Variants in TSPAN18 observed in about 807,000 individuals in gnomAD.
TSPAN18 encodes tetraspanin-18.
TSPAN18 carries 14 observed loss-of-function variants against 27.3 expected under a neutral mutation model. The ratio of observed to expected loss-of-function variants is 0.51; its 90% CI spans 0.34 to 0.80. The LOEUF (loss-of-function observed/expected upper bound fraction) is 0.80, where lower values mean the gene tolerates loss of function less well. Among genes scored for constraint, TSPAN18 ranks in the 30% least tolerant of loss-of-function variants. TSPAN18 has a pLI of 0.01. For missense variants in TSPAN18, 268 were observed against 323.9 expected, an observed-to-expected ratio of 0.83 and a Z score of 1.32; for synonymous variants, 143 against 136.5, an observed-to-expected ratio of 1.05 and a Z score of -0.33.
intron 2 of TSPAN18, among the ~76,000 whole-genome samples, chr11:44,810,698 T>C (rs1273797795): frequency 1.3e-5 from 2 of 151,488 alleles, no homozygotes; most frequent in Non-Finnish European, 2.9e-5. Context: ...AACCTCCTCC[T>C]GGGCTGGAGC....
intron 1 of TSPAN18, among the ~76,000 whole-genome samples, chr11:44,746,807 G>C (rs1005975994): frequency 6.6e-6 from 1 of 152,168 alleles, no homozygotes. Context: ...GAAAATACAC[G>C]GTGTGCCTGG....
intron 2 of TSPAN18, among the ~76,000 whole-genome samples, chr11:44,813,701 G>T (rs1565161502): frequency 6.6e-6 from 1 of 152,178 alleles, no homozygotes; most frequent in Non-Finnish European, 1.5e-5. Context: ...GGTCCCAGCT[G>T]CATGCATGAC....
At chr11:44,906,514 G>C (rs368453951) in intron 4 of TSPAN18, 35 bp downstream of exon 4, 4 of 1,584,978 alleles carry the variant, frequency 2.5e-6, no homozygotes, top group Admixed American at 3.3e-5. Flanking sequence ...GCCTCTGCTG[G>C]GTGGGCAGAA....
intron 1 of TSPAN18, among the ~76,000 whole-genome samples, chr11:44,753,854 A>T (rs1291900928): frequency 1.3e-5 from 2 of 152,208 alleles, no homozygotes; most frequent in Admixed American, 6.5e-5. Flanking sequence ...GTGACAGCCT[A>T]TCCACTACTC....
chr11:44,877,180 A>C (rs1391969348), intron 3 of TSPAN18, among the ~76,000 whole-genome samples: 1 of 152,276 alleles, frequency 6.6e-6, no homozygotes, highest in African/African-American at 2.4e-5. Flanking sequence ...AGGGGTCCCC[A>C]TAATGGCTTC....
At position 44,775,525 on chromosome 11, in the gene TSPAN18, G is replaced by A. The variant is rs1205865960; in HGVS notation, c.-153+11013G>A. ...CCGAATCCCTATAGGTCCTCTCCAG[G>A]CACGTTTCATTGCCAGCCTCCTTCT... is the stretch of plus-strand genomic sequence containing the variant. On this transcript the variant is annotated intron_variant, in intron 2 of 9. Coordinates refer to ENST00000520358, the MANE Select transcript of TSPAN18 (RefSeq NM_130783.5). 3.3e-5 allele frequency among the ~76,000 whole-genome samples: 5 copies of A among 152,138 alleles called. No individual in the cohort carries two copies. In the East Asian group the frequency reaches 9.7e-4, roughly 29 times the overall value.
intron 2 of TSPAN18, among the ~76,000 whole-genome samples, chr11:44,770,618 T>G (rs1475121524): frequency 3.3e-5 from 5 of 152,178 alleles, no homozygotes; most frequent in Non-Finnish European, 7.3e-5. Context: ...AGGAAGCCAG[T>G]AAGCAAGAAA....
chr11:44,871,344 T>G (rs892893823), intron 3 of TSPAN18, among the ~76,000 whole-genome samples: 12 of 152,160 alleles, frequency 7.9e-5, no homozygotes, highest in Admixed American at 4.6e-4. Context: ...CTCTCCTGTC[T>G]TTTCTTATAA....
intron 2 of TSPAN18, among the ~76,000 whole-genome samples, chr11:44,821,665 T>C (rs1422600907): frequency 4.6e-5 from 7 of 152,250 alleles, no homozygotes; most frequent in African/African-American, 1.4e-4. Flanking sequence ...TACTTGACCC[T>C]ACTTGGACTG....
intron 2 of TSPAN18, among the ~76,000 whole-genome samples, chr11:44,772,958 G>C (rs578037399): frequency 6.6e-6 from 1 of 151,982 alleles, no homozygotes; most frequent in Admixed American, 6.6e-5. Context: ...CACTGAGCCC[G>C]ATTTTGAGTT....
At chr11:44,781,612 G>T (rs987691465) in intron 2 of TSPAN18, among the ~76,000 whole-genome samples, 1 of 152,086 alleles carries the variant, frequency 6.6e-6, no homozygotes, top group African/African-American at 2.4e-5. Context: ...GGCACATTTG[G>T]TAACAACCCA....
At chr11:44,909,950 G>T in intron 5 of TSPAN18, 51 bp downstream of exon 5, 1 of 1,551,314 alleles carries the variant, frequency 6.4e-7, no homozygotes. Context: ...GGGGTGTCAG[G>T]GATTGGCTGC....
At chr11:44,789,392 A>G (rs1432070348) in intron 2 of TSPAN18, among the ~76,000 whole-genome samples, 2 of 152,308 alleles carry the variant, frequency 1.3e-5, no homozygotes, top group African/African-American at 4.8e-5. Flanking sequence ...TTCTGCCAAG[A>G]AAAAAGCTCT....
At chr11:44,874,932 G>A (rs1288882355) in intron 3 of TSPAN18, among the ~76,000 whole-genome samples, 2 of 152,214 alleles carry the variant, frequency 1.3e-5, no homozygotes, top group Non-Finnish European at 2.9e-5. Flanking sequence ...GAGAAGGAGG[G>A]GTCCCGCAGC....
intron 1 of TSPAN18, among the ~76,000 whole-genome samples, chr11:44,741,775 A>G (rs1590407852): frequency 6.6e-6 from 1 of 152,204 alleles, no homozygotes; most frequent in African/African-American, 2.4e-5. Flanking sequence ...ATTCCCTCTG[A>G]ACGTTAGTTT....
chr11:44,823,369 G>A (rs1856967792), intron 2 of TSPAN18, among the ~76,000 whole-genome samples: 1 of 152,216 alleles, frequency 6.6e-6, no homozygotes, highest in Admixed American at 6.5e-5. Flanking sequence ...TAGTGGAGAG[G>A]CGATGCAGCG....
chr11:44,829,588 G>C (rs918506836), intron 2 of TSPAN18, among the ~76,000 whole-genome samples: 3 of 152,084 alleles, frequency 2.0e-5, no homozygotes, highest in African/African-American at 7.2e-5. Flanking sequence ...ACCTGTTGAA[G>C]GACATCTTGG....
intron 3 of TSPAN18, among the ~76,000 whole-genome samples, chr11:44,902,959 G>T (rs1311641351): frequency 6.6e-6 from 1 of 152,178 alleles, no homozygotes; most frequent in African/African-American, 2.4e-5. Flanking sequence ...CCAGCACCAG[G>T]CTTCCTTCAC....
At chr11:44,803,651 T>C (rs1856530567) in intron 2 of TSPAN18, among the ~76,000 whole-genome samples, 1 of 152,066 alleles carries the variant, frequency 6.6e-6, no homozygotes, top group African/African-American at 2.4e-5. Flanking sequence ...CAGGGGACAC[T>C]GGGGTGGAGA....
Sources: gnomAD v4.1 joint callset for allele counts (sites outside exome capture counted in the v4.1 genomes callset) on GRCh38, gnomAD v4.1.1 for gene constraint, MANE v1.5 for transcripts, NCBI Gene and HGNC (gene_info 2026-07-23, HGNC 2026-07-21) for gene names.